The following PIAS2 variants were observed in gnomAD, a reference collection of about 807,000 sequenced individuals.
PIAS2 encodes E3 SUMO-protein ligase PIAS2.
A neutral mutation model predicts 69.7 loss-of-function variants in PIAS2; 19 were observed. That is an observed-to-expected ratio of 0.27 (90% CI 0.19 to 0.40). The LOEUF is 0.40. Ranked by LOEUF, PIAS2 falls within the 10% of genes least tolerant of loss-of-function variation. The pLI is 1.00. For synonymous variants in PIAS2, 261 were observed against 263.2 expected (o/e 0.99, Z 0.08); for missense variants, 624 against 757.0 (o/e 0.82, Z 2.06).
chr18:46,862,059 T>C (rs1044020494), intron 3 of PIAS2, among the ~76,000 whole-genome samples: 6 of 152,130 alleles, frequency 3.9e-5, no homozygotes, highest in Middle Eastern at 3.2e-3. Flanking sequence ...ATGCCGGGCA[T>C]GGTGGCTCAC....
intron 2 of PIAS2, among the ~76,000 whole-genome samples, chr18:46,877,712 C>T (rs557518568): frequency 1.3e-5 from 2 of 152,314 alleles, no homozygotes; most frequent in East Asian, 3.9e-4. Context: ...CAGGGAATAA[C>T]CGCGTTAGGG....
intron 1 of PIAS2, among the ~76,000 whole-genome samples, chr18:46,899,539 C>T (rs1008091922): frequency 2.0e-5 from 3 of 152,218 alleles, no homozygotes; most frequent in African/African-American, 7.2e-5. Flanking sequence ...GCAAACACTG[C>T]TCACTGCAGC....
At chr18:46,823,182 A>G (rs1599367772) in intron 11 of PIAS2, among the ~76,000 whole-genome samples, 1 of 151,780 alleles carries the variant, frequency 6.6e-6, no homozygotes, top group South Asian at 2.1e-4. Flanking sequence ...GCAGTGAGCC[A>G]TGAATGCTCC....
At position 46,833,083 on chromosome 18, in the gene PIAS2, T is replaced by C. The variant is rs75000203; in HGVS notation, c.1203-3216A>G. On this transcript the variant is annotated intron_variant, in intron 9 of 13. Coordinates refer to ENST00000585916, the MANE Select transcript of PIAS2 (RefSeq NM_004671.5). ...TCTACTCCTAAGTATTTACCCAAGA[T>C]AAATGAAAACAGTCCACACAAAGAC... is the stretch of plus-strand genomic sequence containing the variant. Among the ~76,000 whole-genome samples, 206 of 152,228 alleles carry C rather than the reference T, an allele frequency of 1.4e-3. 3 individuals are homozygous for C. The East Asian group carries it at 0.036, about 27-fold the overall frequency.
chr18:46,896,169 A>C (rs1317808395), intron 1 of PIAS2, among the ~76,000 whole-genome samples: 1 of 150,532 alleles, frequency 6.6e-6, no homozygotes, highest in Non-Finnish European at 1.5e-5. Context: ...AAAAAGCAAA[A>C]AAAAAAAAAA....
intron 1 of PIAS2, among the ~76,000 whole-genome samples, chr18:46,896,975 G>A (rs1314313913): frequency 6.6e-6 from 1 of 152,164 alleles, no homozygotes; most frequent in Non-Finnish European, 1.5e-5. Flanking sequence ...GGGGAAGTAG[G>A]TGGGGACATA....
chr18:46,917,622 C>T (rs937789255), upstream of PIAS2: 16 of 914,380 alleles, frequency 1.7e-5, no homozygotes, highest in African/African-American at 2.5e-4. Flanking sequence ...GCGACAGCGC[C>T]CGCCCGCGCC....
chr18:46,886,822 A>T (rs990984249), intron 2 of PIAS2, among the ~76,000 whole-genome samples: 25 of 152,054 alleles, frequency 1.6e-4, no homozygotes, highest in Non-Finnish European at 2.4e-4. Flanking sequence ...TGGGCGACAG[A>T]ACAAGACTCT....
intron 8 of PIAS2, among the ~76,000 whole-genome samples, chr18:46,839,863 CAAAAA>C (rs58855520): frequency 1.4e-5 from 1 of 70,704 alleles, no homozygotes; most frequent in African/African-American, 5.4e-5. Context: ...AAAACTCTGT[CAAAAA>C]AAAAAAAAAA....
chr18:46,843,964 T>A, intron 8 of PIAS2, 90 bp downstream of exon 8: 1 of 709,928 alleles, frequency 1.4e-6, no homozygotes, highest in East Asian at 2.8e-5. Context: ...TTCTTCATAA[T>A]ATATCATTCA....
rs2040789409 is a variant in PIAS2, at chr18:46,807,907, G to C, written c.*4526C>G. ...CAGTATAAATTAACATACCCATGTG[G>C]AAAAGTGGTATGAATCAAGAACTAC... On this transcript the variant is annotated 3_prime_UTR_variant, in exon 14 of 14. Transcript: ENST00000585916. 1 of 152,128 alleles carries C rather than the reference G, an allele frequency of 6.6e-6. No individual in the cohort carries two copies. 9.4% of individuals were successfully genotyped at this position (152,128 alleles called of 1,614,324 possible). A position where few individuals can be genotyped will look rare whatever the true frequency, so the allele number is the denominator to read the frequency against.
rs544731104 is a variant in PIAS2 at position 46,896,001 on chromosome 18, T to C, written c.25-4947A>G. Among the ~76,000 whole-genome samples, 5 of 150,760 alleles carry C rather than the reference T, an allele frequency of 3.3e-5. No homozygotes were observed. In the South Asian group the frequency reaches 1.0e-3, roughly 32 times the overall value. On this transcript the variant is annotated intron_variant, in intron 1 of 13. Coordinates refer to ENST00000585916, the MANE Select transcript of PIAS2 (RefSeq NM_004671.5). ...GAAAATCAACTATTAAGAGAAACAA[T>C]AAAAAAAATGCTACATTCCAAATTC...
rs183844772 is a variant in PIAS2 at position 46,824,861 on chromosome 18, A to T, written c.1508+3098T>A. On this transcript the variant is annotated intron_variant, in intron 11 of 13. Coordinates refer to ENST00000585916, the MANE Select transcript of PIAS2 (RefSeq NM_004671.5). The stretch of plus-strand genomic sequence containing the variant: ...TTACAAAAAAAAAAAAAACACAAAA[A>T]AATTAGCTGGGGGTGGTAGTTCCAG... Among the ~76,000 whole-genome samples the T allele has an allele frequency of 6.3e-4, 95 of 151,606 alleles. No individual in the cohort carries two copies. In the East Asian group the frequency reaches 0.015, roughly 24 times the overall value.
Position 46,811,525 on chromosome 18 carries a change from T to C in PIAS2, c.*908A>G, listed in dbSNP as rs923839274. 1.3e-5 allele frequency: 2 copies of C among 152,188 alleles called. No individual in the cohort carries two copies. The highest frequency in any genetic ancestry group is 2.9e-5 in the Non-Finnish European group (2 of 68,034). The allele number at this position is 152,188 out of a possible 1,614,324, so 9.4% of individuals were successfully genotyped here. ...TCTTCTGCTGGCTCCAAGATATCAA[T>C]ATTTGATAGTGTGAACAAATTTCTA... On this transcript the variant is annotated 3_prime_UTR_variant, in exon 14 of 14. Coordinates refer to ENST00000585916, the MANE Select transcript of PIAS2 (RefSeq NM_004671.5).
chr18:46,855,641 T>C (rs2047631392), intron 3 of PIAS2, 26 bp from the exon 4 acceptor site: 6 of 1,567,716 alleles, frequency 3.8e-6, no homozygotes, highest in Non-Finnish European at 5.3e-6. Flanking sequence ...AGAAAATGGG[T>C]TAAAAAAGTA....
At chr18:46,815,185 C>T in intron 13 of PIAS2, 127 bp downstream of exon 13, 1 of 731,238 alleles carries the variant, frequency 1.4e-6, no homozygotes, top group Non-Finnish European at 2.3e-6. Flanking sequence ...TTGCACAGTA[C>T]TTCCTTTCCA....
chr18:46,816,662 C>T, intron 12 of PIAS2: 3 of 273,270 alleles, frequency 1.1e-5, no homozygotes, highest in Non-Finnish European at 1.7e-5. Flanking sequence ...GAGAGAGGGT[C>T]TCGCTATGTT....
intron 1 of PIAS2, among the ~76,000 whole-genome samples, chr18:46,896,191 TAGAA>T (rs1333094455): frequency 1.5e-5 from 2 of 129,180 alleles, no homozygotes; most frequent in South Asian, 2.5e-4. Context: ...AAAAATTAAT[TAGAA>T]AGCAAAATGC....
intron 1 of PIAS2, among the ~76,000 whole-genome samples, chr18:46,908,832 A>C (rs2146269372): frequency 6.6e-6 from 1 of 152,268 alleles, no homozygotes; most frequent in Middle Eastern, 3.4e-3. Context: ...AACATGGTGA[A>C]ACCCCGTCTC....
Sources: gnomAD v4.1 joint callset for allele counts (sites outside exome capture counted in the v4.1 genomes callset) on GRCh38, gnomAD v4.1.1 for gene constraint, MANE v1.5 for transcripts, NCBI Gene and HGNC (gene_info 2026-07-23, HGNC 2026-07-21) for gene names.